The following DGLUCY variants were observed in gnomAD, a reference collection of about 807,000 sequenced individuals.
The protein encoded by DGLUCY is D-glutamate cyclase, also known as D-glutamate cyclase, mitochondrial.
In DGLUCY, 58 loss-of-function variants were observed where a neutral mutation model predicts 58.5. The ratio of observed to expected loss-of-function variants is 0.99; its 90% CI spans 0.80 to 1.23. DGLUCY has a LOEUF of 1.23. Among genes scored for constraint, DGLUCY ranks in the 50% most tolerant of loss-of-function variants. The pLI is 0.00. For synonymous variants in DGLUCY, 325 were observed against 314.1 expected (o/e 1.03, Z -0.37); for missense variants, 779 against 784.7 (o/e 0.99, Z 0.09).
intron 1 of DGLUCY, among the ~76,000 whole-genome samples, chr14:91,119,000 C>G (rs2045180046): frequency 6.6e-6 from 1 of 152,080 alleles, no homozygotes; most frequent in Non-Finnish European, 1.5e-5. Flanking sequence ...ACTACTACTA[C>G]TAAAATTATT....
chr14:91,195,334 A>T (rs1045592998), intron 9 of DGLUCY, among the ~76,000 whole-genome samples: 1 of 152,058 alleles, frequency 6.6e-6, no homozygotes, highest in African/African-American at 2.4e-5. Flanking sequence ...TTATTTTGGG[A>T]TTTTTGTGTA....
upstream of DGLUCY, among the ~76,000 whole-genome samples, chr14:91,105,872 G>A (rs1418246181): frequency 6.6e-6 from 1 of 152,106 alleles, no homozygotes; most frequent in Non-Finnish European, 1.5e-5. Context: ...TATATGATAT[G>A]GTCTATTACT....
At chr14:91,064,639 A>AG (rs1167327384) in intron 1 of DGLUCY, among the ~76,000 whole-genome samples, 6 of 150,766 alleles carry the variant, frequency 4.0e-5, no homozygotes, top group Non-Finnish European at 8.8e-5. Context: ...AAAAAAAAAA[A>AG]AAAAGAAAAG....
At chr14:91,172,993 T>G (rs2048654233) in intron 5 of DGLUCY, among the ~76,000 whole-genome samples, 1 of 152,174 alleles carries the variant, frequency 6.6e-6, no homozygotes, top group South Asian at 2.1e-4. Flanking sequence ...TTGGTTTCCT[T>G]TGGAATCCTG....
chr14:91,209,716 AAAAAG>A (rs1404252222), intron 12 of DGLUCY, among the ~76,000 whole-genome samples: 2 of 152,188 alleles, frequency 1.3e-5, no homozygotes, highest in Non-Finnish European at 2.9e-5. Flanking sequence ...TCAAAAAACA[AAAAAG>A]AAAATAAAAC....
intron 1 of DGLUCY, among the ~76,000 whole-genome samples, chr14:91,135,653 TAA>T (rs60532081): frequency 6.0e-5 from 6 of 100,314 alleles, no homozygotes; most frequent in Non-Finnish European, 7.3e-5. Context: ...TCTGCCTCAT[TAA>T]AAAAAAAAAA....
At chr14:91,181,414 C>T (rs759268737) in intron 8 of DGLUCY, 25 bp downstream of exon 8, 67 of 1,597,478 alleles carry the variant, frequency 4.2e-5, no homozygotes, top group Admixed American at 3.4e-5. Flanking sequence ...ATTTGCTCGG[C>T]ATAGACCCAG....
intron 1 of DGLUCY, among the ~76,000 whole-genome samples, chr14:91,122,052 A>C (rs1022138424): frequency 1.1e-4 from 17 of 151,992 alleles, no homozygotes; most frequent in Non-Finnish European, 1.2e-4. Flanking sequence ...CAGTATTCAC[A>C]CCTTGTTGTC....
At chr14:91,087,951 A>T (rs1237224969) in intron 1 of DGLUCY, among the ~76,000 whole-genome samples, 2 of 152,342 alleles carry the variant, frequency 1.3e-5, no homozygotes, top group African/African-American at 4.8e-5. Flanking sequence ...GTAGCCAGCT[A>T]CAATGAGACA....
chr14:91,090,946 T>C (rs1454590261), intron 1 of DGLUCY: 1 of 152,320 alleles, frequency 6.6e-6, no homozygotes, highest in Non-Finnish European at 1.5e-5. Flanking sequence ...CTTGGTCTTC[T>C]ACCCTTTGCC....
At chr14:91,217,948 C>T (rs1886838483) in intron 13 of DGLUCY, among the ~76,000 whole-genome samples, 2 of 152,162 alleles carry the variant, frequency 1.3e-5, no homozygotes, top group Admixed American at 6.5e-5. Flanking sequence ...TCCCATTTTA[C>T]AGACGAGAGA....
chr14:91,134,360 C>T (rs2046204305), intron 1 of DGLUCY, among the ~76,000 whole-genome samples: 1 of 151,998 alleles, frequency 6.6e-6, no homozygotes, highest in South Asian at 2.1e-4. Flanking sequence ...TAAACGATTT[C>T]ACATATTTTG....
Position 91,117,648 on chromosome 14 carries a change from CACACACACACACAT to C in DGLUCY, c.-82+3379_-82+3392del, listed in dbSNP as rs995145782. ...CACAGAGTAAGCTTTTGTTCACATA[CACACACACACACAT>C]ACACACACACACACACACACACACG... On this transcript the variant is annotated intron_variant, in intron 1 of 13. Transcript: ENST00000256324. Among the ~76,000 whole-genome samples the C allele has an allele frequency of 7.1e-3, 1,036 of 145,026 alleles. 7 individuals are homozygous for C. The highest frequency in any genetic ancestry group is 0.024 in the African/African-American group (963 of 39,786).
intron 12 of DGLUCY, among the ~76,000 whole-genome samples, chr14:91,209,537 G>A (rs1030485956): frequency 2.0e-5 from 3 of 151,996 alleles, no homozygotes; most frequent in African/African-American, 4.8e-5. Flanking sequence ...GTGAAACCCC[G>A]TCTCTACTAA....
At chr14:91,085,825 TC>T (rs1212874194) in intron 1 of DGLUCY, among the ~76,000 whole-genome samples, 1 of 152,116 alleles carries the variant, frequency 6.6e-6, no homozygotes, top group Admixed American at 6.6e-5. Context: ...TGCCTTAGCC[TC>T]CCAAAGTGCT....
At chr14:91,194,191 G>A (rs553731321) in intron 9 of DGLUCY, among the ~76,000 whole-genome samples, 5 of 152,204 alleles carry the variant, frequency 3.3e-5, no homozygotes, top group South Asian at 4.1e-4. Context: ...GCCCTGTCGC[G>A]GTAGTCCTGG....
At chr14:91,108,528 A>T (rs61989791) in intron 1 of DGLUCY, among the ~76,000 whole-genome samples, 9,915 of 34,782 alleles carry the variant, frequency 0.29, 345 homozygotes, top group East Asian at 0.31. Context: ...TGTGTGTGTG[A>T]GAGAGAGAGA....
intron 3 of DGLUCY, among the ~76,000 whole-genome samples, chr14:91,163,949 A>G (rs754055117): frequency 5.9e-5 from 9 of 152,044 alleles, no homozygotes; most frequent in East Asian, 1.9e-4. Flanking sequence ...CCAATAGAGC[A>G]TAATAATTAT....
intron 12 of DGLUCY, among the ~76,000 whole-genome samples, chr14:91,210,621 A>G (rs1231197738): frequency 6.6e-6 from 1 of 152,216 alleles, no homozygotes; most frequent in African/African-American, 2.4e-5. Flanking sequence ...GAAAAATCAC[A>G]TGTTCATGTC....
Sources: allele counts gnomAD v4.1 joint callset (sites outside exome capture counted in the v4.1 genomes callset), GRCh38; gene constraint gnomAD v4.1.1; transcripts MANE v1.5; gene names NCBI Gene and HGNC (gene_info 2026-07-23, HGNC 2026-07-21).